Variants in HEMK2 observed in about 807,000 individuals in gnomAD.
The protein encoded by HEMK2 is HemK methyltransferase 2, ETF1 glutamine and histone H4 lysine.
the HEMK2 span, among the ~76,000 whole-genome samples, chr21:28,713,786 G>T: frequency 6.6e-6 from 1 of 152,228 alleles, no homozygotes; most frequent in African/African-American, 2.4e-5. Flanking sequence ...TGTGAAGATG[G>T]CACATAGCAG....
the HEMK2 span, among the ~76,000 whole-genome samples, chr21:28,856,507 A>G: frequency 6.6e-6 from 1 of 152,212 alleles, no homozygotes; most frequent in Non-Finnish European, 1.5e-5. Context: ...AAGATGGCCA[A>G]TTAGAAGCAG....
chr21:28,765,136 GAAGA>G, the HEMK2 span, among the ~76,000 whole-genome samples: 2 of 152,184 alleles, frequency 1.3e-5, no homozygotes, highest in South Asian at 2.1e-4. Context: ...GGTATGTTGA[GAAGA>G]AAGAGTGACC....
At chr21:28,787,960 A>C in the HEMK2 span, among the ~76,000 whole-genome samples, 1 of 152,092 alleles carries the variant, frequency 6.6e-6, no homozygotes, top group African/African-American at 2.4e-5. Context: ...AACCAACCCA[A>C]ATGCCCATCA....
the HEMK2 span, among the ~76,000 whole-genome samples, chr21:28,634,906 T>C: frequency 6.6e-6 from 1 of 152,192 alleles, no homozygotes; most frequent in African/African-American, 2.4e-5. Context: ...CCAGGTATTC[T>C]TGAACATTTC....
chr21:28,693,421 C>A, the HEMK2 span, among the ~76,000 whole-genome samples: 4 of 152,128 alleles, frequency 2.6e-5, no homozygotes, highest in African/African-American at 9.7e-5. Flanking sequence ...ATAACATTTT[C>A]AACCTAACAA....
chr21:28,584,788 G>C, the HEMK2 span, among the ~76,000 whole-genome samples: 13 of 152,162 alleles, frequency 8.5e-5, no homozygotes, highest in African/African-American at 2.7e-4. Flanking sequence ...CTATAACGGA[G>C]AGGGTGAAAT....
At chr21:28,655,319 T>G in the HEMK2 span, among the ~76,000 whole-genome samples, 1 of 152,060 alleles carries the variant, frequency 6.6e-6, no homozygotes, top group Non-Finnish European at 1.5e-5. Flanking sequence ...AAATGAAAAC[T>G]ATGTGGTTAG....
At chr21:28,598,422 T>C in the HEMK2 span, among the ~76,000 whole-genome samples, 3 of 152,160 alleles carry the variant, frequency 2.0e-5, no homozygotes, top group Non-Finnish European at 4.4e-5. Context: ...AAAATAACCC[T>C]CGATACCATG....
chr21:28,768,299 C>T, the HEMK2 span, among the ~76,000 whole-genome samples: 2 of 152,114 alleles, frequency 1.3e-5, no homozygotes, highest in African/African-American at 4.8e-5. Context: ...ATACATTCTA[C>T]TTCTTCCCCA....
At chr21:28,673,803 T>C in the HEMK2 span, among the ~76,000 whole-genome samples, 2 of 132,162 alleles carry the variant, frequency 1.5e-5, no homozygotes, top group East Asian at 2.4e-4. Context: ...AAGTGAAAAA[T>C]GCATAAAATG....
At chr21:28,763,993 T>C in the HEMK2 span, among the ~76,000 whole-genome samples, 1 of 152,108 alleles carries the variant, frequency 6.6e-6, no homozygotes, top group African/African-American at 2.4e-5. Context: ...CTCTGAAGCA[T>C]GTTGCATAGT....
chr21:28,722,789 C>T, the HEMK2 span, among the ~76,000 whole-genome samples: 1 of 152,162 alleles, frequency 6.6e-6, no homozygotes, highest in Non-Finnish European at 1.5e-5. Context: ...GAGGCTGAGG[C>T]AGGAGAATCG....
chr21:28,730,496 T>A, the HEMK2 span, among the ~76,000 whole-genome samples: 1 of 151,928 alleles, frequency 6.6e-6, no homozygotes, highest in South Asian at 2.1e-4. Flanking sequence ...CAGGCTATAA[T>A]CAAGGTGTTG....
At chr21:28,690,049 C>G in the HEMK2 span, among the ~76,000 whole-genome samples, 6 of 152,092 alleles carry the variant, frequency 3.9e-5, no homozygotes, top group Non-Finnish European at 7.4e-5. Flanking sequence ...AAAGGAGAAG[C>G]AAAGGCACAT....
At chr21:28,644,300 T>C in the HEMK2 span, among the ~76,000 whole-genome samples, 1 of 152,074 alleles carries the variant, frequency 6.6e-6, no homozygotes, top group Non-Finnish European at 1.5e-5. Flanking sequence ...TCACCCACTA[T>C]CACAAGAGCA....
chr21:28,806,369 C>G, the HEMK2 span, among the ~76,000 whole-genome samples: 1 of 152,168 alleles, frequency 6.6e-6, no homozygotes, highest in Non-Finnish European at 1.5e-5. Context: ...TAAGGATATT[C>G]TTTTAACTCA....
chr21:28,883,611 A>G, the HEMK2 span, among the ~76,000 whole-genome samples: 1 of 152,202 alleles, frequency 6.6e-6, no homozygotes, highest in African/African-American at 2.4e-5. Context: ...TTGGGAAAAT[A>G]GTATCTGATC....
At chr21:28,696,034 A>C in the HEMK2 span, among the ~76,000 whole-genome samples, 7 of 152,154 alleles carry the variant, frequency 4.6e-5, no homozygotes, top group African/African-American at 1.7e-4. Flanking sequence ...GAGGCCCCAC[A>C]ATCACAGCAA....
chr21:28,688,602 G>C, the HEMK2 span, among the ~76,000 whole-genome samples: 1 of 151,810 alleles, frequency 6.6e-6, no homozygotes, highest in African/African-American at 2.4e-5. Context: ...AAATGTTGTT[G>C]AATGAATAAA....
Sources: gnomAD v4.1 joint callset for allele counts (sites outside exome capture counted in the v4.1 genomes callset) on GRCh38, gnomAD v4.1.1 for gene constraint, MANE v1.5 for transcripts, NCBI Gene and HGNC (gene_info 2026-07-23, HGNC 2026-07-21) for gene names.